The following BCCIP variants were observed in gnomAD, a reference collection of about 807,000 sequenced individuals.
BCCIP encodes BRCA2 and CDKN1A-interacting protein.
BCCIP carries 23 observed loss-of-function variants against 32.8 expected under a neutral mutation model. The observed-to-expected ratio is 0.70, with a 90% CI of 0.51 to 0.99. The LOEUF is 0.99. Among genes scored for constraint, BCCIP ranks in the 50% least tolerant of loss-of-function variants. The probability of loss-of-function intolerance (pLI) is 0.00; values close to 1 mark genes in which losing one functional copy is unlikely to be tolerated. For synonymous variants in BCCIP, 144 were observed against 137.6 expected (o/e 1.05, Z -0.33); for missense variants, 378 against 379.8 (o/e 1.00, Z 0.04).
downstream of BCCIP, chr10:125,838,126 A>G (rs1854755231): frequency 1.4e-6 from 2 of 1,394,946 alleles, no homozygotes; most frequent in African/African-American, 2.9e-5. Context: ...AGAACTAAGA[A>G]TAAAAGCCAA....
chr10:125,831,476 C>T lies in BCCIP; in HGVS notation c.468C>T (p.Asn156=), dbSNP rs765306821. The T allele has an allele frequency of 4.3e-6, 7 of 1,614,036 alleles. No homozygotes were observed. Among genetic ancestry groups the T allele is most frequent in the African/African-American group, 1.3e-5 (1 of 74,930 alleles). The part of the protein sequence containing the change: ...QELVLRFCEK[N]CEKSMVEQLD... The stretch of plus-strand genomic sequence containing the variant: ...TGGTTCTACGCTTCTGTGAGAAGAA[C>T]TGTGAAAAGAGCATGGTTGAACAGC... The change falls in exon 5 of 7, where the codon AAC becomes AAT. Residue 156 remains asparagine, a synonymous_variant. Transcript: ENST00000278100.
At chr10:125,842,720 C>A in exon 7 of BCCIP, 1 of 618,644 alleles carries the variant, frequency 1.6e-6, no homozygotes, top group Non-Finnish European at 2.0e-6. Flanking sequence ...AAAAATTAAT[C>A]ACAACTGACC....
In BCCIP at chr10:125,842,013, G is replaced by C. The variant is rs552960417; in HGVS notation, c.*654G>C. ...AACAGGTACTGGACTTTTCCCTCCT[G>C]CATGAAACAAGCAAACAATGGACAA... On this transcript the variant is annotated 3_prime_UTR_variant, in exon 7 of 7. Transcript: ENST00000299130. 14 of 1,420,352 alleles carry C rather than the reference G, an allele frequency of 9.9e-6. No homozygotes were observed. In the African/African-American group the frequency reaches 1.5e-4, roughly 15 times the overall value. 88.0% of individuals were successfully genotyped at this position (1,420,352 alleles called of 1,614,324 possible).
At position 125,833,879 on chromosome 10, in the gene BCCIP, A is replaced by C. The variant is rs201090714; in HGVS notation, c.707A>C (p.Lys236Thr). The C allele has an allele frequency of 1.1e-5, 18 of 1,614,284 alleles. No individual in the cohort carries two copies. The highest frequency in any genetic ancestry group is 1.5e-5 in the Non-Finnish European group (18 of 1,180,040). Residue 236 changes from lysine to threonine, a missense_variant, in exon 6 of 7, where the codon AAG (lysine) becomes ACG (threonine). Transcript: ENST00000278100. ...FVEAGKNNSKKKPSNKKKAAL... is the reference protein window; with the variant it reads ...FVEAGKNNSKTKPSNKKKAAL... Reference sequence around the variant, plus strand: ...GAAGCAGGAAAAAACAATTCCAAAAAGAAACCTAGCAACAAAAAGAAAGCT... The same window carrying C: ...GAAGCAGGAAAAAACAATTCCAAAACGAAACCTAGCAACAAAAAGAAAGCT...
intron 2 of BCCIP, among the ~76,000 whole-genome samples, chr10:125,827,109 T>G (rs1854412615): frequency 6.6e-6 from 1 of 151,992 alleles, no homozygotes; most frequent in African/African-American, 2.4e-5. Flanking sequence ...TTTCCTTTCA[T>G]CTGCTAATTA....
chr10:125,844,886 T>G (rs1385968708), downstream of BCCIP, among the ~76,000 whole-genome samples: 1 of 152,240 alleles, frequency 6.6e-6, no homozygotes, highest in Non-Finnish European at 1.5e-5. Context: ...AATAGCTCAC[T>G]GCAAGGTCAC....
chr10:125,826,675 TTTATTTA>T lies in BCCIP; in HGVS notation c.240+15_240+21del, dbSNP rs1854395579. 1.2e-6 allele frequency: 2 copies of T among 1,612,944 alleles called. No individual in the cohort carries two copies. Among genetic ancestry groups the T allele is most frequent in the Non-Finnish European group, 1.7e-6 (2 of 1,179,458 alleles). ...GAAATTACTGCAGCAGGTATTGTCTTTTATTTATTATGCATAAATTTCCTCTTCTAAG... is the reference window on the plus strand; with the variant it reads ...GAAATTACTGCAGCAGGTATTGTCTTTTATGCATAAATTTCCTCTTCTAAG... On this transcript the variant is annotated intron_variant, in intron 2 of 6. Coordinates refer to ENST00000278100, the MANE Select transcript of BCCIP (RefSeq NM_078468.3).
chr10:125,842,861 G>T (rs900137002), downstream of BCCIP: 62 of 770,476 alleles, frequency 8.0e-5, no homozygotes, highest in Admixed American at 6.3e-5. Context: ...TAATGATGTG[G>T]TATTATATAT....
chr10:125,834,491 C>T (rs1036598602), intron 6 of BCCIP, among the ~76,000 whole-genome samples: 12 of 151,992 alleles, frequency 7.9e-5, no homozygotes, highest in African/African-American at 2.9e-4. Flanking sequence ...AATATTCTTA[C>T]CCTCTCTTCC....
chr10:125,841,928 T>C lies in BCCIP; in HGVS notation c.*569T>C. On this transcript the variant is annotated 3_prime_UTR_variant, in exon 7 of 7. Coordinates refer to the BCCIP transcript ENST00000299130. ...GTCTTCCAATGCCTGCATCAAACTT[T>C]CTGGTGCTAGGAAAGGAAAAAAATA... The C allele has an allele frequency of 6.3e-7, 1 of 1,590,350 alleles. No homozygotes were observed. Among genetic ancestry groups the C allele is most frequent in the Non-Finnish European group, 8.5e-7 (1 of 1,172,746 alleles).
chr10:125,835,964 T>C, intron 6 of BCCIP, 140 bp from the exon 7 acceptor site: 1 of 751,570 alleles, frequency 1.3e-6, no homozygotes, highest in Non-Finnish European at 2.1e-6. Flanking sequence ...TTTGAACTTT[T>C]TCAATTCTGA....
At chr10:125,823,812 C>T in intron 1 of BCCIP, 90 bp downstream of exon 1, 1 of 1,536,952 alleles carries the variant, frequency 6.5e-7, no homozygotes. Flanking sequence ...AGGGTCTTCC[C>T]TGACCCTGAG....
intron 5 of BCCIP, among the ~76,000 whole-genome samples, chr10:125,832,176 T>C (rs1296362371): frequency 6.6e-6 from 1 of 152,042 alleles, no homozygotes; most frequent in East Asian, 1.9e-4. Flanking sequence ...TATAGGCAGA[T>C]TCTCTTATTT....
At chr10:125,841,250 GGCAGGA>G, downstream of BCCIP, 1 of 1,612,324 alleles carries the variant, frequency 6.2e-7, no homozygotes, top group African/African-American at 1.3e-5. Flanking sequence ...CTTCTATTCC[GGCAGGA>G]GCAGGGAAAA....
At chr10:125,842,926 CTT>C (rs200022736), downstream of BCCIP, 1,733 of 372,464 alleles carry the variant, frequency 4.7e-3, 32 homozygotes, top group African/African-American at 0.034. Flanking sequence ...AATATATTCT[CTT>C]TGTGGAATAA....
intron 5 of BCCIP, 84 bp from the exon 6 acceptor site, chr10:125,833,688 C>G: frequency 7.0e-7 from 1 of 1,430,466 alleles, no homozygotes; most frequent in African/African-American, 1.4e-5. Flanking sequence ...CTGAAGATGC[C>G]TCACCGGGTT....
rs761671587 is a variant in BCCIP at position 125,832,814 on chromosome 10, C to CT, written c.600-945dup. ...TACAAGACCCTATCTTTTTTTTTTT[C>CT]TTTTTTTTTTTTTGAAAAGGCCAGG... is the stretch of plus-strand genomic sequence containing the variant. On this transcript the variant is annotated intron_variant, in intron 5 of 6. Coordinates refer to ENST00000278100, the MANE Select transcript of BCCIP (RefSeq NM_078468.3). Among the ~76,000 whole-genome samples, 967 of 116,782 alleles carry CT rather than the reference C, an allele frequency of 8.3e-3. 6 individuals carry two copies. Among genetic ancestry groups the CT allele is most frequent in the African/African-American group, 0.024 (814 of 34,170 alleles). 76.6% of individuals were successfully genotyped at this position (116,782 alleles called of 152,430 possible).
intron 1 of BCCIP, among the ~76,000 whole-genome samples, chr10:125,825,212 T>A (rs1214881375): frequency 6.6e-6 from 1 of 152,240 alleles, no homozygotes; most frequent in Non-Finnish European, 1.5e-5. Flanking sequence ...AACGTGACTG[T>A]TCCTGCTGAA....
chr10:125,825,409 C>T (rs796587380), intron 1 of BCCIP: 26 of 152,270 alleles, frequency 1.7e-4, no homozygotes, highest in African/African-American at 6.3e-4. Context: ...AAGTTTAAGT[C>T]CTGAATAATG....
Sources: allele counts gnomAD v4.1 joint callset (sites outside exome capture counted in the v4.1 genomes callset), GRCh38; gene constraint gnomAD v4.1.1; transcripts MANE v1.5; gene names NCBI Gene and HGNC (gene_info 2026-07-23, HGNC 2026-07-21).